NEMP2: variants seen among roughly 807,000 people sequenced by gnomAD.
The protein encoded by NEMP2 is nuclear envelope integral membrane protein 2.
NEMP2 carries 53 observed loss-of-function variants against 54.2 expected under a neutral mutation model. The ratio of observed to expected loss-of-function variants is 0.98; its 90% confidence interval spans 0.78 to 1.23. NEMP2 has a LOEUF of 1.23. Ranked by LOEUF, NEMP2 falls within the 50% of genes most tolerant of loss-of-function variation. The pLI is 0.00. For missense variants in NEMP2, 455 were observed against 511.3 expected (o/e 0.89, Z 1.06); for synonymous variants, 197 against 190.3 (o/e 1.04, Z -0.29).
the NEMP2 span, among the ~76,000 whole-genome samples, chr2:190,585,281 T>C: frequency 6.6e-6 from 1 of 152,238 alleles, no homozygotes; most frequent in Non-Finnish European, 1.5e-5. This position sits in a 1 kb window ranked among gnomAD's most constrained non-coding sequence, Gnocchi z 5.3. Flanking sequence ...TACTACCCAC[T>C]GTATAAAGTA....
chr2:190,580,436 AG>A, the NEMP2 span, among the ~76,000 whole-genome samples: 1 of 152,300 alleles, frequency 6.6e-6, no homozygotes, highest in Admixed American at 6.5e-5. This position sits in a 1 kb window ranked among gnomAD's most constrained non-coding sequence, Gnocchi z 5.3. Context: ...TGGAAATTCC[AG>A]GTTCTGCTGT....
chr2:190,622,002 G>A, the NEMP2 span, among the ~76,000 whole-genome samples: 1 of 152,204 alleles, frequency 6.6e-6, no homozygotes, highest in African/African-American at 2.4e-5. Flanking sequence ...AGTTACTTGG[G>A]AGGCTGAGGC....
the NEMP2 span, among the ~76,000 whole-genome samples, chr2:190,632,305 TG>T: frequency 6.6e-6 from 1 of 152,192 alleles, no homozygotes; most frequent in African/African-American, 2.4e-5. This position sits in a 1 kb window ranked among gnomAD's most constrained non-coding sequence, Gnocchi z 4.8. Context: ...GGCCCCAACC[TG>T]GGGTCCTACA....
the NEMP2 span, among the ~76,000 whole-genome samples, chr2:190,431,085 G>C: frequency 6.7e-6 from 1 of 150,064 alleles, no homozygotes; most frequent in Admixed American, 6.6e-5. The surrounding 1 kb of genome is among the most constrained non-coding windows in gnomAD (Gnocchi z 4.4). Flanking sequence ...GCCGGGCAGA[G>C]GCGCTCCTCA....
chr2:190,574,854 T>C, the NEMP2 span, among the ~76,000 whole-genome samples: 1 of 144,988 alleles, frequency 6.9e-6, no homozygotes, highest in South Asian at 2.3e-4. Context: ...TTCTTTTCTT[T>C]TCTTTGCTTT....
chr2:190,640,967 G>A, the NEMP2 span: 6 of 152,198 alleles, frequency 3.9e-5, no homozygotes, highest in Admixed American at 3.3e-4. Flanking sequence ...CAATCCAAGC[G>A]AAGAGAGAAG....
chr2:190,460,409 G>A, the NEMP2 span, among the ~76,000 whole-genome samples: 40 of 152,074 alleles, frequency 2.6e-4, no homozygotes, highest in African/African-American at 9.2e-4. Context: ...ATACACTCGC[G>A]TATGCACACA....
At chr2:190,429,005 A>G in the NEMP2 span, among the ~76,000 whole-genome samples, 1 of 152,022 alleles carries the variant, frequency 6.6e-6, no homozygotes, top group Non-Finnish European at 1.5e-5. Context: ...TTTTTAGAGT[A>G]TGTTACATTA....
At chr2:190,431,577 C>T in the NEMP2 span, among the ~76,000 whole-genome samples, 11 of 152,208 alleles carry the variant, frequency 7.2e-5, no homozygotes, top group East Asian at 1.9e-4. The surrounding 1 kb of genome is among the most constrained non-coding windows in gnomAD (Gnocchi z 4.4). Flanking sequence ...TGGCGGCGCG[C>T]GCCTGCAATC....
chr2:190,593,175 G>C, the NEMP2 span, among the ~76,000 whole-genome samples: 14 of 152,132 alleles, frequency 9.2e-5, no homozygotes, highest in Non-Finnish European at 2.1e-4. This position sits in a 1 kb window ranked among gnomAD's most constrained non-coding sequence, Gnocchi z 4.5. Flanking sequence ...TAAAACTCCC[G>C]ATCAGCCGCA....
chr2:190,571,985 G>A, the NEMP2 span, among the ~76,000 whole-genome samples: 5 of 152,030 alleles, frequency 3.3e-5, no homozygotes, highest in Non-Finnish European at 7.4e-5. Context: ...GCCCTTCTCA[G>A]TTATGCTCCC....
chr2:190,604,653 T>C, the NEMP2 span, among the ~76,000 whole-genome samples: 1 of 152,140 alleles, frequency 6.6e-6, no homozygotes, highest in African/African-American at 2.4e-5. This position sits in a 1 kb window ranked among gnomAD's most constrained non-coding sequence, Gnocchi z 4.5. Context: ...GTCAAGAAGC[T>C]TGGGTTTCTT....
At chr2:190,483,084 G>A in the NEMP2 span, among the ~76,000 whole-genome samples, 1 of 150,580 alleles carries the variant, frequency 6.6e-6, no homozygotes, top group Non-Finnish European at 1.5e-5. Context: ...AGTAGAGACG[G>A]GGTTTCACCT....
the NEMP2 span, among the ~76,000 whole-genome samples, chr2:190,466,664 T>G: frequency 1.3e-5 from 2 of 152,234 alleles, no homozygotes; most frequent in African/African-American, 4.8e-5. Context: ...ATACATGTTT[T>G]TATCCCCACT....
At chr2:190,643,410 A>C in the NEMP2 span, among the ~76,000 whole-genome samples, 1 of 152,174 alleles carries the variant, frequency 6.6e-6, no homozygotes, top group Non-Finnish European at 1.5e-5. Context: ...TCCAGCACTG[A>C]CTTGGCTGCT....
At chr2:190,532,096 G>A (rs11683734) in intron 1 of NEMP2, among the ~76,000 whole-genome samples, 6,490 of 152,304 alleles carry the variant, frequency 0.043, 239 homozygotes, top group Middle Eastern at 0.14. Flanking sequence ...CAAGGAAGGG[G>A]AGGGAGAAGA....
At chr2:190,427,952 G>A in the NEMP2 span, among the ~76,000 whole-genome samples, 5 of 152,114 alleles carry the variant, frequency 3.3e-5, no homozygotes, top group Non-Finnish European at 4.4e-5. Flanking sequence ...GACTGGTCTC[G>A]AACTCCTGAC....
the NEMP2 span, among the ~76,000 whole-genome samples, chr2:190,614,620 A>C: frequency 6.6e-6 from 1 of 152,194 alleles, no homozygotes; most frequent in African/African-American, 2.4e-5. The surrounding 1 kb of genome is among the most constrained non-coding windows in gnomAD (Gnocchi z 5.7). Flanking sequence ...AATACCTCCC[A>C]TTTTCAAGTT....
rs1301069983 is a variant in NEMP2 at position 190,516,370 on chromosome 2, C to T, written c.627G>A (p.Trp209Ter). 4 of 1,550,828 alleles carry T rather than the reference C, an allele frequency of 2.6e-6. No individual in the cohort carries two copies. The South Asian group carries it at 3.6e-5, about 14-fold the overall frequency. ...CAAACCAACAACCAACCATTAGAGCCCAAAAGGTGCTATACTGTGTGTGGA... is the reference window on the plus strand; with the variant it reads ...CAAACCAACAACCAACCATTAGAGCTCAAAAGGTGCTATACTGTGTGTGGA... ...KRFIPKYSTFWALMVGCWFAS... is the reference protein window; with the variant it reads ...KRFIPKYSTF The change falls in exon 6 of 9, where the codon TGG becomes TGA. Residue 209 changes from tryptophan (W) to a stop codon, truncating the protein, a stop_gained. Coordinates refer to ENST00000409150, the MANE Select transcript of NEMP2 (RefSeq NM_001142645.2). LOFTEE classifies it high-confidence loss of function.
Sources: allele counts gnomAD v4.1 joint callset (sites outside exome capture counted in the v4.1 genomes callset), GRCh38; gene constraint gnomAD v4.1.1; non-coding constraint Gnocchi (gnomAD v3.1); transcripts MANE v1.5; gene names NCBI Gene and HGNC (gene_info 2026-07-23, HGNC 2026-07-21).